The following ANO2 variants were observed in gnomAD, a reference collection of about 807,000 sequenced individuals.
ANO2 encodes the protein anoctamin 2.
ANO2 carries 101 observed loss-of-function variants against 124.2 expected under a neutral mutation model. The observed-to-expected ratio is 0.81, with a 90% CI of 0.69 to 0.96. The LOEUF (loss-of-function observed/expected upper bound fraction) is 0.96, where lower values mean the gene tolerates loss of function less well. ANO2 is among the 40% of genes least tolerant of loss of function. ANO2 has a pLI of 0.00. For missense variants in ANO2, 1,293 were observed against 1,274.5 expected (o/e 1.01, Z -0.22); for synonymous variants, 486 against 482.5 (o/e 1.01, Z -0.09).
chr12:5,818,447 T>TTATATA (rs57443240), intron 7 of ANO2, among the ~76,000 whole-genome samples: 128 of 82,918 alleles, frequency 1.5e-3, no homozygotes, highest in African/African-American at 2.9e-3. Flanking sequence ...TAAACTCATA[T>TTATATA]TATATATATA....
chr12:5,858,378 C>A (rs949882997), intron 3 of ANO2, among the ~76,000 whole-genome samples: 1 of 151,930 alleles, frequency 6.6e-6, no homozygotes, highest in African/African-American at 2.4e-5. Context: ...CTGAAAACAA[C>A]CAAAATTAAT....
At chr12:5,623,431 A>T (rs1945226994) in intron 16 of ANO2, among the ~76,000 whole-genome samples, 1 of 152,176 alleles carries the variant, frequency 6.6e-6, no homozygotes. Context: ...GACAATCGGG[A>T]ATTTCTGTGC....
At chr12:5,700,701 TA>T (rs1949367528) in intron 14 of ANO2, among the ~76,000 whole-genome samples, 1 of 151,908 alleles carries the variant, frequency 6.6e-6, no homozygotes, top group African/African-American at 2.4e-5. Flanking sequence ...GCAAGACTAA[TA>T]AAGAAGAAAA....
intron 14 of ANO2, among the ~76,000 whole-genome samples, chr12:5,731,517 C>T (rs1950634592): frequency 6.6e-6 from 1 of 151,958 alleles, no homozygotes. Flanking sequence ...AGAAAAGACA[C>T]ATCTAAAAGC....
chr12:5,857,276 A>C (rs1204810559), intron 3 of ANO2, among the ~76,000 whole-genome samples: 1 of 152,206 alleles, frequency 6.6e-6, no homozygotes, highest in Non-Finnish European at 1.5e-5. Flanking sequence ...TGGAGCTTCC[A>C]AGTTAGACAG....
intron 4 of ANO2, among the ~76,000 whole-genome samples, chr12:5,851,719 C>T (rs1168629980): frequency 2.0e-5 from 3 of 148,508 alleles, no homozygotes; most frequent in Non-Finnish European, 4.4e-5. Flanking sequence ...GTGGAGGTGT[C>T]ATAGAGTGTG....
intron 14 of ANO2, among the ~76,000 whole-genome samples, chr12:5,708,419 A>G (rs1949696742): frequency 6.6e-6 from 1 of 152,220 alleles, no homozygotes; most frequent in Non-Finnish European, 1.5e-5. Flanking sequence ...GCATCTCTGC[A>G]TGATCTAGCT....
At chr12:5,928,516 A>C (rs968797269) in intron 1 of ANO2, among the ~76,000 whole-genome samples, 14 of 148,846 alleles carry the variant, frequency 9.4e-5, no homozygotes, top group Non-Finnish European at 1.6e-4. Flanking sequence ...CTTCCTCTCT[A>C]GTCTACCTTC....
intron 1 of ANO2, among the ~76,000 whole-genome samples, chr12:5,943,820 C>T (rs1367402321): frequency 2.0e-5 from 3 of 152,132 alleles, no homozygotes; most frequent in African/African-American, 7.2e-5. Flanking sequence ...GGGTAGCTTT[C>T]CAGAAAATTA....
chr12:5,909,259 A>G (rs1241450748), intron 3 of ANO2, among the ~76,000 whole-genome samples: 1 of 152,348 alleles, frequency 6.6e-6, no homozygotes, highest in East Asian at 1.9e-4. Flanking sequence ...TTTTGCCCTC[A>G]ACAAGTACTT....
rs760424518 is a variant in ANO2 at position 5,578,025 on chromosome 12, C to T, written c.2387-18G>A. ...CCAGATTCCTACAAGACAGAAAAGA[C>T]AGCGTCTGGCTCACTCCCGCCCTCG... On this transcript the variant is annotated intron_variant, in intron 21 of 24. Coordinates refer to ENST00000682330, the MANE Select transcript of ANO2 (RefSeq NM_001364791.2). 1 of 1,612,914 alleles carries T rather than the reference C, an allele frequency of 6.2e-7. No individual in the cohort carries two copies. Among genetic ancestry groups the T allele is most frequent in the Non-Finnish European group, 8.5e-7 (1 of 1,179,388 alleles).
intron 3 of ANO2, among the ~76,000 whole-genome samples, chr12:5,903,647 ATGTG>A (rs143239619): frequency 8.0e-4 from 119 of 148,548 alleles, no homozygotes; most frequent in East Asian, 5.2e-3. Context: ...ATGTGCAAAG[ATGTG>A]TGTGTGTGTG....
intron 14 of ANO2, among the ~76,000 whole-genome samples, chr12:5,726,561 T>C (rs1950450016): frequency 6.6e-6 from 1 of 152,242 alleles, no homozygotes. Flanking sequence ...GTATTATCAT[T>C]GATCAACTTA....
intron 4 of ANO2, among the ~76,000 whole-genome samples, chr12:5,835,685 CACT>C (rs1954291315): frequency 6.6e-6 from 1 of 152,202 alleles, no homozygotes; most frequent in African/African-American, 2.4e-5. Flanking sequence ...TGCTTTACTC[CACT>C]GTTTGATTTG....
intron 3 of ANO2, among the ~76,000 whole-genome samples, chr12:5,870,653 A>G (rs1955549896): frequency 6.6e-6 from 1 of 152,248 alleles, no homozygotes. Context: ...CACCATCTAA[A>G]TAGAACTGCA....
intron 20 of ANO2, among the ~76,000 whole-genome samples, chr12:5,591,860 G>A (rs1321592728): frequency 1.3e-5 from 2 of 152,180 alleles, no homozygotes; most frequent in African/African-American, 2.4e-5. Context: ...ACACCACAGC[G>A]CTGCCCCGGG....
Position 5,744,294 on chromosome 12 carries a change from T to TTCTGCTGGTCACACATCTCTC in ANO2, c.1193_1213dup (p.Arg398_Gln404dup). The TTCTGCTGGTCACACATCTCTC allele has an allele frequency of 6.2e-7, 1 of 1,613,956 alleles. No individual in the cohort carries two copies. The highest frequency in any genetic ancestry group is 8.5e-7 in the Non-Finnish European group (1 of 1,179,866). On this transcript the variant is annotated inframe_insertion, in exon 12 of 25. Transcript: ENST00000682330. ...ACACAGGGGACACATGGTGAAGGCA[T>TTCTGCTGGTCACACATCTCTC]TCTGCTGGTCACACATCTCTCTGCT...
chr12:5,710,669 G>T (rs115999828), intron 14 of ANO2, among the ~76,000 whole-genome samples: 1 of 152,172 alleles, frequency 6.6e-6, no homozygotes. Flanking sequence ...TAAGGAAATA[G>T]CACACAGTAG....
chr12:5,583,440 T>C (rs893163383), intron 20 of ANO2, among the ~76,000 whole-genome samples: 1 of 151,608 alleles, frequency 6.6e-6, no homozygotes, highest in South Asian at 2.1e-4. Flanking sequence ...GATCACAAGG[T>C]CAGGAGATCG....
Sources: gnomAD v4.1 joint callset for allele counts (sites outside exome capture counted in the v4.1 genomes callset) on GRCh38, gnomAD v4.1.1 for gene constraint, MANE v1.5 for transcripts, NCBI Gene and HGNC (gene_info 2026-07-23, HGNC 2026-07-21) for gene names.